Variants in PCDHGA8 observed in about 807,000 individuals in gnomAD.
PCDHGA8 encodes the protein protocadherin gamma subfamily A, 8.
Under a neutral mutation model 59.2 loss-of-function variants are expected in PCDHGA8, and 45 were observed. The ratio of observed to expected loss-of-function variants is 0.76; its 90% CI spans 0.60 to 0.98. PCDHGA8 has a LOEUF of 0.98. Ranked by LOEUF, PCDHGA8 falls within the 50% of genes least tolerant of loss-of-function variation. The pLI is 0.00. For synonymous variants in PCDHGA8, 531 were observed against 519.0 expected (o/e 1.02, Z -0.32); for missense variants, 1,257 against 1,196.2 (o/e 1.05, Z -0.75).
At chr5:141,503,598 CAAAAAAAAAAAA>C (rs765754054) in intron 2 of PCDHGA8, among the ~76,000 whole-genome samples, 11 of 65,762 alleles carry the variant, frequency 1.7e-4, no homozygotes, top group Admixed American at 3.4e-4. Context: ...GACTCCAGCT[CAAAAAAAAAAAA>C]AAAAGAAAAA....
At chr5:141,420,230 A>G (rs758649822) in intron 1 of PCDHGA8, 3 of 1,601,528 alleles carry the variant, frequency 1.9e-6, no homozygotes, top group Admixed American at 1.7e-5. Flanking sequence ...ACTGGCTAGC[A>G]TTTTAACTCC....
chr5:141,470,708 A>T (rs1293545270), intron 1 of PCDHGA8, among the ~76,000 whole-genome samples: 1 of 151,804 alleles, frequency 6.6e-6, no homozygotes. Flanking sequence ...TTTTTATTTT[A>T]TTTTTTTGAG....
intron 3 of PCDHGA8, among the ~76,000 whole-genome samples, chr5:141,510,330 C>T (rs1420880240): frequency 6.6e-6 from 1 of 151,298 alleles, no homozygotes; most frequent in Non-Finnish European, 1.5e-5. Context: ...GCACTCTTCA[C>T]CCCCACCCCA....
intron 2 of PCDHGA8, among the ~76,000 whole-genome samples, chr5:141,497,483 C>T (rs1039341023): frequency 6.6e-6 from 1 of 150,378 alleles, no homozygotes; most frequent in Non-Finnish European, 1.5e-5. Context: ...AGGTGCGGAA[C>T]CTCTCTCTCT....
intron 1 of PCDHGA8, chr5:141,422,094 T>C: frequency 1.2e-6 from 2 of 1,610,648 alleles, no homozygotes; most frequent in Non-Finnish European, 1.7e-6. Flanking sequence ...AAAGCAAGGC[T>C]TCTGAAATAT....
rs771647688 is a variant in PCDHGA8 at position 141,399,795 on chromosome 5, G to A, written c.2424+4558G>A. 10 of 1,613,202 alleles carry A rather than the reference G, an allele frequency of 6.2e-6. No individual in the cohort carries two copies. In the South Asian group the frequency reaches 8.8e-5, roughly 14 times the overall value. On this transcript the variant is annotated intron_variant, in intron 1 of 3. Transcript: ENST00000398604. ...TGGGCGACCGAAACGACAACGCACC[G>A]CGGGTGCTGTACCCCGCGCTGGGTC...
rs1374646530 is a variant in PCDHGA8, at chr5:141,431,339, T to C, written c.2424+36102T>C. ...AGCCGACGGTAGTAAGTACCCCGAA[T>C]TGGTGCTGAAACGCGCCCTGGACCG... On this transcript the variant is annotated intron_variant, in intron 1 of 3. Coordinates refer to ENST00000398604, the MANE Select transcript of PCDHGA8 (RefSeq NM_032088.2). This position sits in a 1 kb window ranked among gnomAD's most constrained non-coding sequence, Gnocchi z 4.8. 1 of 1,614,060 alleles carries C rather than the reference T, an allele frequency of 6.2e-7. No individual in the cohort carries two copies. The highest frequency in any genetic ancestry group is 8.5e-7 in the Non-Finnish European group (1 of 1,180,024).
chr5:141,402,965 A>G, intron 1 of PCDHGA8: 2 of 1,606,016 alleles, frequency 1.2e-6, no homozygotes, highest in Non-Finnish European at 1.7e-6. Flanking sequence ...GGCAGCTCCA[A>G]CCAAATGCCA....
rs2097368013 is a variant in PCDHGA8 at position 141,431,382 on chromosome 5, A to G, written c.2424+36145A>G. 6 of 1,613,756 alleles carry G rather than the reference A, an allele frequency of 3.7e-6. No homozygotes were observed. In the East Asian group the frequency reaches 1.1e-4, roughly 30 times the overall value. On this transcript the variant is annotated intron_variant, in intron 1 of 3. Transcript: ENST00000398604. This position sits in a 1 kb window ranked among gnomAD's most constrained non-coding sequence, Gnocchi z 4.8. ...CTGGACCGCGAAGAAAAGGCTGCTC[A>G]CCACCTGGTCCTTACGGCCTCCGAC... is the stretch of plus-strand genomic sequence containing the variant.
At chr5:141,478,795 C>T (rs919747545) in intron 1 of PCDHGA8, 7 of 1,468,056 alleles carry the variant, frequency 4.8e-6, no homozygotes, top group Non-Finnish European at 6.3e-6. Flanking sequence ...ACATCCTCAG[C>T]ACTCTTTTGC....
At position 141,432,374 on chromosome 5, in the gene PCDHGA8, C is replaced by G; in HGVS notation, c.2424+37137C>G. The G allele has an allele frequency of 6.2e-7, 1 of 1,614,240 alleles. No individual in the cohort carries two copies. The highest frequency in any genetic ancestry group is 1.1e-5 in the South Asian group (1 of 91,082). ...GAAAGTGATGGCGCGGGACAACGGG[C>G]ACCCGCCCCTCAGCAGCAACGTGTC... On this transcript the variant is annotated intron_variant, in intron 1 of 3. Transcript: ENST00000398604. The surrounding 1 kb of genome is among the most constrained non-coding windows in gnomAD (Gnocchi z 6.0).
At chr5:141,398,951 C>A (rs771456321) in intron 1 of PCDHGA8, 2 of 1,613,822 alleles carry the variant, frequency 1.2e-6, no homozygotes, top group Admixed American at 1.7e-5. Flanking sequence ...GGCATCAACT[C>A]AGAAATTACT....
At chr5:141,465,241 G>C (rs2099099198) in intron 1 of PCDHGA8, among the ~76,000 whole-genome samples, 1 of 151,964 alleles carries the variant, frequency 6.6e-6, no homozygotes, top group South Asian at 2.1e-4. Flanking sequence ...CAAGTTCAAG[G>C]CACTTTTGTA....
At chr5:141,403,574 C>T (rs1441332710) in intron 1 of PCDHGA8, 1 of 1,613,960 alleles carries the variant, frequency 6.2e-7, no homozygotes, top group Non-Finnish European at 8.5e-7. Context: ...GGCAACTGCC[C>T]ACCACCTGGT....
intron 1 of PCDHGA8, chr5:141,427,927 T>C (rs1238523389): frequency 6.3e-7 from 1 of 1,580,112 alleles, no homozygotes; most frequent in Non-Finnish European, 8.7e-7. Context: ...AGCCGGCGCA[T>C]GTTGGTGGGC....
chr5:141,494,925 G>T (rs936071950), intron 2 of PCDHGA8, 60 bp downstream of exon 2: 1 of 1,613,316 alleles, frequency 6.2e-7, no homozygotes. Flanking sequence ...GGGATGACGT[G>T]GGAGGAGATG....
intron 1 of PCDHGA8, among the ~76,000 whole-genome samples, chr5:141,447,276 A>G (rs2098532917): frequency 6.6e-6 from 1 of 151,994 alleles, no homozygotes; most frequent in South Asian, 2.1e-4. Flanking sequence ...AGTAGCTGGG[A>G]CTACAGGCAC....
chr5:141,421,109 T>C (rs2096547097), intron 1 of PCDHGA8: 2 of 715,670 alleles, frequency 2.8e-6, no homozygotes, highest in East Asian at 2.8e-5. Flanking sequence ...GACTTAGAAG[T>C]ATTTTCCTTC....
chr5:141,406,481 T>C (rs2094814987), intron 1 of PCDHGA8, among the ~76,000 whole-genome samples: 2 of 152,242 alleles, frequency 1.3e-5, no homozygotes, highest in Admixed American at 6.5e-5. Flanking sequence ...GGTTATATTT[T>C]TCAGATCACA....
Sources: gnomAD v4.1 joint callset for allele counts (sites outside exome capture counted in the v4.1 genomes callset) on GRCh38, gnomAD v4.1.1 for gene constraint, Gnocchi (gnomAD v3.1) non-coding constraint, MANE v1.5 for transcripts, NCBI Gene and HGNC (gene_info 2026-07-23, HGNC 2026-07-21) for gene names.